The following GSE1 variants were observed in gnomAD, a reference collection of about 807,000 sequenced individuals.
The protein encoded by GSE1 is genetic suppressor element 1.
Under a neutral mutation model 112.6 loss-of-function variants are expected in GSE1, and 32 were observed. That is an observed-to-expected ratio of 0.28 (90% CI 0.21 to 0.38). The LOEUF (loss-of-function observed/expected upper bound fraction) is 0.38. GSE1 is among the 10% of genes least tolerant of loss of function. The probability of loss-of-function intolerance (pLI) is 1.00; values close to 1 mark genes in which losing one functional copy is unlikely to be tolerated. For synonymous variants in GSE1, 1,115 were observed against 735.6 expected (o/e 1.52, Z -8.35); for missense variants, 2,348 against 1,699.2 (o/e 1.38, Z -6.71).
chr16:85,646,486 C>CTG (rs933573148), intron 2 of GSE1, among the ~76,000 whole-genome samples: 98 of 152,228 alleles, frequency 6.4e-4, no homozygotes, highest in African/African-American at 2.3e-3. Context: ...CCAGTGGACA[C>CTG]TGCTGTGATA....
chr16:85,383,515 A>G (rs964220808), intron 2 of GSE1, among the ~76,000 whole-genome samples: 2 of 135,228 alleles, frequency 1.5e-5, no homozygotes, highest in East Asian at 2.2e-4. Flanking sequence ...ACACACACAC[A>G]CGCACACCTG....
chr16:85,480,385 G>A (rs1049820971), intron 2 of GSE1, among the ~76,000 whole-genome samples: 17 of 152,194 alleles, frequency 1.1e-4, no homozygotes, highest in South Asian at 6.2e-4. Context: ...CAGGGGGCGC[G>A]CGTGGCACCA....
At chr16:85,453,209 G>A (rs910268878) in intron 2 of GSE1, among the ~76,000 whole-genome samples, 1 of 152,172 alleles carries the variant, frequency 6.6e-6, no homozygotes, top group Non-Finnish European at 1.5e-5. Context: ...GGCTGATGGG[G>A]GTGTGAAGGA....
intron 1 of GSE1, among the ~76,000 whole-genome samples, chr16:85,603,180 G>C (rs2047540237): frequency 1.3e-5 from 2 of 152,256 alleles, no homozygotes; most frequent in Admixed American, 6.5e-5. Context: ...GACAAAAATA[G>C]GTCTGCAGCT....
In GSE1 at chr16:85,663,523, T is replaced by C. The variant is rs1257920167; in HGVS notation, c.2553T>C (p.Pro851=). 1.6e-5 allele frequency: 26 copies of C among 1,613,146 alleles called. No homozygotes were observed. The highest frequency in any genetic ancestry group is 2.1e-5 in the Non-Finnish European group (25 of 1,179,872). ...PRLALSTRYS[P]DEMNNSPNFE... Reference sequence around the variant, plus strand: ...TGGCGCTGTCTACCCGCTACAGCCCTGATGAGATGAACAACAGTCCCAACT... The same window carrying C: ...TGGCGCTGTCTACCCGCTACAGCCCCGATGAGATGAACAACAGTCCCAACT... Residue 851 remains proline (P), a synonymous_variant, in exon 11 of 16, where the codon CCT becomes CCC. Transcript: ENST00000253458.
intron 1 of GSE1, among the ~76,000 whole-genome samples, chr16:85,345,449 G>A (rs1382042501): frequency 1.3e-5 from 2 of 152,136 alleles, no homozygotes. Context: ...ATGTGCTGCT[G>A]CCTCTGGGCC....
intron 2 of GSE1, among the ~76,000 whole-genome samples, chr16:85,391,277 C>G (rs559011022): frequency 6.6e-6 from 1 of 152,234 alleles, no homozygotes; most frequent in Non-Finnish European, 1.5e-5. Flanking sequence ...CGCACCCACC[C>G]GAAGAAGCAG....
chr16:85,243,033 G>A (rs561826594), intron 1 of GSE1, among the ~76,000 whole-genome samples: 4 of 152,142 alleles, frequency 2.6e-5, no homozygotes, highest in South Asian at 2.1e-4. Flanking sequence ...GGCTGGTCAC[G>A]GACTCCTAGG....
intron 1 of GSE1, among the ~76,000 whole-genome samples, chr16:85,331,385 A>ATATATATATGTATATATATGTG (rs1270095336): frequency 2.2e-5 from 3 of 135,858 alleles, no homozygotes; most frequent in Non-Finnish European, 4.7e-5. Flanking sequence ...ATATATATGT[A>ATATATATATGTATATATATGTG]TATATATGTG....
At chr16:85,331,359 G>A (rs1973251) in intron 1 of GSE1, among the ~76,000 whole-genome samples, 706 of 54,438 alleles carry the variant, frequency 0.013, 55 homozygotes, top group African/African-American at 0.032. Flanking sequence ...GTGTGTGTGT[G>A]TGTGTGTATA....
At chr16:85,609,478 C>T (rs1318930732), upstream of GSE1, among the ~76,000 whole-genome samples, 1 of 152,216 alleles carries the variant, frequency 6.6e-6, no homozygotes, top group South Asian at 2.1e-4. Flanking sequence ...GTGTGAAACA[C>T]AGCCCAGGGT....
At chr16:85,635,404 G>C (rs149246129) in intron 2 of GSE1, among the ~76,000 whole-genome samples, 2 of 152,180 alleles carry the variant, frequency 1.3e-5, no homozygotes, top group Non-Finnish European at 2.9e-5. Context: ...ACACCTGAGC[G>C]GGCCAGGTTG....
rs1043757037 is a variant in GSE1 at position 85,674,660 on chromosome 16, G to T, written c.*2121G>T. The T allele has an allele frequency of 6.6e-6, 1 of 152,248 alleles. No homozygotes were observed. The highest frequency in any genetic ancestry group is 1.5e-5 in the Non-Finnish European group (1 of 68,056). 9.4% of individuals were successfully genotyped at this position (152,248 alleles called of 1,614,324 possible). On this transcript the variant is annotated 3_prime_UTR_variant, in exon 16 of 16. Transcript: ENST00000253458. ...TTGGCTAAAGTAAAAGGGAAAAGTAGATCCGATAACTTAAAAACGTAGCTC... is the reference window on the plus strand; with the variant it reads ...TTGGCTAAAGTAAAAGGGAAAAGTATATCCGATAACTTAAAAACGTAGCTC...
chr16:85,535,201 T>C (rs540325888), intron 2 of GSE1, among the ~76,000 whole-genome samples: 30 of 152,352 alleles, frequency 2.0e-4, no homozygotes, highest in African/African-American at 6.7e-4. Flanking sequence ...TTGCCCTGTG[T>C]GCTCCCGGCT....
chr16:85,621,139 G>A (rs1261467858), intron 1 of GSE1, among the ~76,000 whole-genome samples: 1 of 151,772 alleles, frequency 6.6e-6, no homozygotes, highest in African/African-American at 2.4e-5. Flanking sequence ...CTGCCCTGTT[G>A]GGGAACCCGT....
intron 2 of GSE1, among the ~76,000 whole-genome samples, chr16:85,496,975 T>C (rs1209192064): frequency 1.3e-5 from 2 of 151,920 alleles, no homozygotes; most frequent in Admixed American, 1.3e-4. Context: ...CTCGGCTCAT[T>C]GCAACCTCTG....
intron 2 of GSE1, among the ~76,000 whole-genome samples, chr16:85,412,426 A>T (rs1431456898): frequency 6.4e-5 from 1 of 15,532 alleles, no homozygotes; most frequent in Non-Finnish European, 1.3e-4. Context: ...TCACTGTTAC[A>T]CTCAGGCCCC....
chr16:85,421,380 C>T (rs1265052940), intron 2 of GSE1, among the ~76,000 whole-genome samples: 3 of 152,032 alleles, frequency 2.0e-5, no homozygotes, highest in African/African-American at 4.8e-5. Flanking sequence ...CACTCAGCAC[C>T]GGGAGATGCA....
chr16:85,299,710 T>G (rs2045466099), intron 1 of GSE1, among the ~76,000 whole-genome samples: 1 of 152,192 alleles, frequency 6.6e-6, no homozygotes, highest in African/African-American at 2.4e-5. Flanking sequence ...GCAAGATTGC[T>G]TGAGCCCAGG....
Sources: gnomAD v4.1 joint callset for allele counts (sites outside exome capture counted in the v4.1 genomes callset) on GRCh38, gnomAD v4.1.1 for gene constraint, MANE v1.5 for transcripts, NCBI Gene and HGNC (gene_info 2026-07-23, HGNC 2026-07-21) for gene names.